The following BTBD9 variants were observed in gnomAD, a reference collection of about 807,000 sequenced individuals.
The protein encoded by BTBD9 is BTB/POZ domain-containing protein 9.
BTBD9 carries 49 observed loss-of-function variants against 64.3 expected under a neutral mutation model. That is an observed-to-expected ratio of 0.76 (90% CI 0.61 to 0.97). The LOEUF (loss-of-function observed/expected upper bound fraction) is 0.97. Ranked by LOEUF, BTBD9 falls within the 50% of genes least tolerant of loss-of-function variation. The pLI, the probability that BTBD9 is intolerant of heterozygous loss-of-function variation, is 0.00. For missense variants in BTBD9, 598 were observed against 762.1 expected, an observed-to-expected ratio of 0.78 and a Z score of 2.53; for synonymous variants, 260 against 274.7, an observed-to-expected ratio of 0.95 and a Z score of 0.53.
intron 6 of BTBD9, among the ~76,000 whole-genome samples, chr6:38,354,827 A>G (rs1477845405): frequency 6.6e-6 from 1 of 152,220 alleles, no homozygotes; most frequent in Non-Finnish European, 1.5e-5. Context: ...CAAAGTAAAT[A>G]AAAATAATAC....
intron 8 of BTBD9, among the ~76,000 whole-genome samples, chr6:38,258,794 G>A (rs1365924954): frequency 6.6e-6 from 1 of 152,216 alleles, no homozygotes; most frequent in Non-Finnish European, 1.5e-5. Flanking sequence ...GGAGGCTGAG[G>A]CAGGAGAATC....
chr6:38,596,097 T>C, intron 2 of BTBD9: 1 of 975,962 alleles, frequency 1.0e-6, no homozygotes, highest in Non-Finnish European at 1.2e-6. Flanking sequence ...TGACAGCACT[T>C]AGGCCTCTTC....
At chr6:38,487,333 C>A (rs1771487095) in intron 6 of BTBD9, among the ~76,000 whole-genome samples, 1 of 152,158 alleles carries the variant, frequency 6.6e-6, no homozygotes, top group African/African-American at 2.4e-5. Flanking sequence ...GTAATCCCAG[C>A]ACTTTGGGAG....
chr6:38,367,029 G>A (rs533939446), intron 6 of BTBD9, among the ~76,000 whole-genome samples: 93 of 152,318 alleles, frequency 6.1e-4, no homozygotes, highest in African/African-American at 1.7e-3. Flanking sequence ...TTTTCTTGAA[G>A]TGCACAAAGC....
At chr6:38,636,284 C>T (rs1280949557) in intron 1 of BTBD9, among the ~76,000 whole-genome samples, 1 of 152,152 alleles carries the variant, frequency 6.6e-6, no homozygotes, top group East Asian at 1.9e-4. Flanking sequence ...ACTAACATGC[C>T]TCCTAGAAGG....
chr6:38,502,314 A>C (rs1772245374), intron 6 of BTBD9, among the ~76,000 whole-genome samples: 1 of 152,262 alleles, frequency 6.6e-6, no homozygotes, highest in Non-Finnish European at 1.5e-5. Flanking sequence ...CTACCCACGA[A>C]ACAATATGAG....
At chr6:38,455,977 CT>C (rs200062269) in intron 6 of BTBD9, among the ~76,000 whole-genome samples, 10 of 145,764 alleles carry the variant, frequency 6.9e-5, no homozygotes, top group South Asian at 2.2e-4. Flanking sequence ...GCACCTAGCC[CT>C]TTTTTTTTTC....
intron 10 of BTBD9, among the ~76,000 whole-genome samples, chr6:38,182,998 GAGAC>G (rs1443416134): frequency 7.6e-6 from 1 of 131,234 alleles, no homozygotes; most frequent in Admixed American, 7.8e-5. Context: ...TTTTTTTTCT[GAGAC>G]AGAGTCTTGC....
chr6:38,581,339 T>G (rs1776276721), intron 4 of BTBD9, among the ~76,000 whole-genome samples: 1 of 152,232 alleles, frequency 6.6e-6, no homozygotes, highest in Non-Finnish European at 1.5e-5. Flanking sequence ...ATAGCATAGC[T>G]GTTAGTTATA....
At chr6:38,303,872 T>TACAC (rs1437860245) in intron 7 of BTBD9, among the ~76,000 whole-genome samples, 1 of 106,646 alleles carries the variant, frequency 9.4e-6, no homozygotes, top group African/African-American at 4.6e-5. Context: ...TATATATATA[T>TACAC]ATACACACAC....
chr6:38,490,341 G>GAC (rs996498567), intron 6 of BTBD9, among the ~76,000 whole-genome samples: 12 of 152,052 alleles, frequency 7.9e-5, no homozygotes, highest in African/African-American at 2.7e-4. Context: ...TTTTTTTTGA[G>GAC]ACAGAGTTTT....
intron 8 of BTBD9, among the ~76,000 whole-genome samples, chr6:38,277,906 T>C (rs754216173): frequency 7.2e-5 from 11 of 152,110 alleles, no homozygotes; most frequent in Non-Finnish European, 8.8e-5. Context: ...GAGGTAGTGT[T>C]CTGTGGCAGA....
At position 38,399,900 on chromosome 6, in the gene BTBD9, T is replaced by A. The variant is rs1766851573; in HGVS notation, c.1155-54807A>T. Among the ~76,000 whole-genome samples the A allele has an allele frequency of 1.3e-5, 2 of 151,822 alleles. 1 individual carries two copies. Among genetic ancestry groups the A allele is most frequent in the South Asian group, 4.2e-4 (2 of 4,812 alleles). ...CAGAGTAGCTGGGATTATGGGCATGTGCCACCATGCCCAGCTAATTTTTTT... is the reference window on the plus strand; with the variant it reads ...CAGAGTAGCTGGGATTATGGGCATGAGCCACCATGCCCAGCTAATTTTTTT... On this transcript the variant is annotated intron_variant, in intron 6 of 10. Coordinates refer to ENST00000481247, the MANE Select transcript of BTBD9 (RefSeq NM_001099272.2).
intron 8 of BTBD9, among the ~76,000 whole-genome samples, chr6:38,280,506 T>C (rs888826351): frequency 6.6e-6 from 1 of 152,210 alleles, no homozygotes; most frequent in East Asian, 1.9e-4. Flanking sequence ...TTATAAGCAA[T>C]CTTAATCCAA....
intron 6 of BTBD9, among the ~76,000 whole-genome samples, chr6:38,444,635 C>A (rs1769189072): frequency 6.6e-6 from 1 of 152,150 alleles, no homozygotes; most frequent in East Asian, 1.9e-4. Flanking sequence ...CCCCTCTGTA[C>A]TTCAGACTCC....
intron 6 of BTBD9, among the ~76,000 whole-genome samples, chr6:38,373,432 T>C (rs1388297392): frequency 6.6e-6 from 1 of 152,186 alleles, no homozygotes; most frequent in Admixed American, 6.5e-5. Flanking sequence ...AAAGCCCCAT[T>C]ATATATTGAA....
At chr6:38,229,876 T>C (rs1416301020) in intron 9 of BTBD9, among the ~76,000 whole-genome samples, 1 of 152,188 alleles carries the variant, frequency 6.6e-6, no homozygotes, top group Non-Finnish European at 1.5e-5. Context: ...TCATCCCTCC[T>C]AGCTTTGTCT....
At chr6:38,450,872 A>C (rs1769507396) in intron 6 of BTBD9, among the ~76,000 whole-genome samples, 1 of 152,180 alleles carries the variant, frequency 6.6e-6, no homozygotes, top group Non-Finnish European at 1.5e-5. Flanking sequence ...CTCAAGGTTA[A>C]TAACTAGACT....
chr6:38,319,322 T>G (rs1305681099), intron 7 of BTBD9, among the ~76,000 whole-genome samples: 3 of 152,078 alleles, frequency 2.0e-5, no homozygotes, highest in African/African-American at 7.2e-5. Context: ...AATAATCCCT[T>G]TATTATTCCG....
Sources: gnomAD v4.1 joint callset for allele counts (sites outside exome capture counted in the v4.1 genomes callset) on GRCh38, gnomAD v4.1.1 for gene constraint, MANE v1.5 for transcripts, NCBI Gene and HGNC (gene_info 2026-07-23, HGNC 2026-07-21) for gene names.